The following EPB41L5 variants were observed in gnomAD, a reference collection of about 807,000 sequenced individuals.
EPB41L5 encodes the protein band 4.1-like protein 5.
Under a neutral mutation model 106.6 loss-of-function variants are expected in EPB41L5, and 55 were observed. The observed-to-expected ratio is 0.52, with a 90% CI of 0.42 to 0.65. EPB41L5 has a LOEUF of 0.65. Among genes scored for constraint, EPB41L5 ranks in the 30% least tolerant of loss-of-function variants. The pLI is 0.00. For missense variants in EPB41L5, 871 were observed against 882.1 expected (o/e 0.99, Z 0.16); for synonymous variants, 297 against 306.7 (o/e 0.97, Z 0.33).
intron 1 of EPB41L5, among the ~76,000 whole-genome samples, chr2:120,015,925 A>C (rs1194693790): frequency 4.0e-5 from 6 of 151,792 alleles, no homozygotes; most frequent in African/African-American, 1.2e-4. Flanking sequence ...AAAAAAAAAA[A>C]ACATAAAAAT....
At chr2:120,121,090 C>T (rs900281023) in intron 16 of EPB41L5, among the ~76,000 whole-genome samples, 1 of 152,224 alleles carries the variant, frequency 6.6e-6, no homozygotes, top group African/African-American at 2.4e-5. Flanking sequence ...GCACTCCAGC[C>T]TGGGCAATAA....
At chr2:120,132,880 G>C (rs1713072) in intron 18 of EPB41L5, among the ~76,000 whole-genome samples, 2 of 151,906 alleles carry the variant, frequency 1.3e-5, no homozygotes, top group African/African-American at 2.4e-5. Flanking sequence ...AGGGAGGAGT[G>C]GGGGGCGGGG....
intron 2 of EPB41L5, among the ~76,000 whole-genome samples, chr2:120,027,121 C>T (rs541314483): frequency 5.3e-5 from 8 of 152,146 alleles, no homozygotes; most frequent in Non-Finnish European, 8.8e-5. Flanking sequence ...TGTAAAATGG[C>T]GCAGCTGCTT....
intron 18 of EPB41L5, among the ~76,000 whole-genome samples, chr2:120,139,107 G>T (rs2105485828): frequency 6.6e-6 from 1 of 152,128 alleles, no homozygotes; most frequent in South Asian, 2.1e-4. Flanking sequence ...AATAAATGGT[G>T]CTAGGAAAAC....
At chr2:120,113,231 T>C (rs1455270802) in intron 16 of EPB41L5, among the ~76,000 whole-genome samples, 2 of 152,238 alleles carry the variant, frequency 1.3e-5, no homozygotes, top group Admixed American at 6.5e-5. Flanking sequence ...AACCAAATCA[T>C]GTATATATTA....
chr2:120,149,333 T>A (rs1348739453), intron 20 of EPB41L5, among the ~76,000 whole-genome samples: 2 of 152,158 alleles, frequency 1.3e-5, no homozygotes, highest in Non-Finnish European at 2.9e-5. Flanking sequence ...TTCAGAATAT[T>A]TTCGTCACCT....
At chr2:120,132,426 G>A (rs1685740680) in intron 18 of EPB41L5, among the ~76,000 whole-genome samples, 1 of 152,086 alleles carries the variant, frequency 6.6e-6, no homozygotes, top group African/African-American at 2.4e-5. Context: ...GTTTTAAAGA[G>A]GAAAGGAGAA....
intron 14 of EPB41L5, among the ~76,000 whole-genome samples, chr2:120,098,156 T>TTTTGTGTGTGTGTGTGTG (rs1553506368): frequency 4.5e-5 from 6 of 133,670 alleles, no homozygotes; most frequent in Non-Finnish European, 6.2e-5. Context: ...ATTGTTTGTT[T>TTTTGTGTGTGTGTGTGTG]TGTGTGTGTG....
At chr2:120,128,451 G>A (rs1685556210) in intron 17 of EPB41L5, among the ~76,000 whole-genome samples, 1 of 152,068 alleles carries the variant, frequency 6.6e-6, no homozygotes, top group Admixed American at 6.6e-5. Flanking sequence ...TATTTATTTG[G>A]CTCTTGACCA....
intron 16 of EPB41L5, among the ~76,000 whole-genome samples, chr2:120,125,040 T>C (rs964668886): frequency 2.0e-5 from 3 of 152,256 alleles, no homozygotes; most frequent in Non-Finnish European, 4.4e-5. Flanking sequence ...CATTCATTGA[T>C]AATTTTTGCC....
intron 16 of EPB41L5, chr2:120,106,268 A>G: frequency 1.4e-5 from 14 of 985,384 alleles, no homozygotes; most frequent in Non-Finnish European, 1.7e-5. Context: ...GAGGAAAGTA[A>G]AGGGCTAAGG....
chr2:120,086,038 A>G (rs1268490394), intron 10 of EPB41L5, among the ~76,000 whole-genome samples: 1 of 152,086 alleles, frequency 6.6e-6, no homozygotes, highest in Non-Finnish European at 1.5e-5. Context: ...TCTACTAAAA[A>G]TACTAAGATT....
intron 20 of EPB41L5, among the ~76,000 whole-genome samples, chr2:120,149,092 G>C (rs887746483): frequency 6.6e-6 from 1 of 152,072 alleles, no homozygotes; most frequent in Non-Finnish European, 1.5e-5. Flanking sequence ...ATTGTGGTTT[G>C]ATTTGCATTT....
At chr2:120,124,591 A>G (rs1017551405) in intron 16 of EPB41L5, among the ~76,000 whole-genome samples, 9 of 152,120 alleles carry the variant, frequency 5.9e-5, no homozygotes, top group Non-Finnish European at 1.5e-5. Context: ...AGGTTTTTTT[A>G]TGTTATACTC....
intron 3 of EPB41L5, among the ~76,000 whole-genome samples, chr2:120,047,628 C>G (rs985983173): frequency 6.6e-6 from 1 of 152,120 alleles, no homozygotes; most frequent in African/African-American, 2.4e-5. Flanking sequence ...TTGACTTCCT[C>G]TTTTCCTAAT....
intron 16 of EPB41L5, among the ~76,000 whole-genome samples, chr2:120,115,958 C>T (rs1313514153): frequency 2.6e-5 from 4 of 151,980 alleles, no homozygotes; most frequent in Non-Finnish European, 5.9e-5. Context: ...TATAGGAATG[C>T]ACCACCACAC....
chr2:120,129,852 A>G (rs1210921053), intron 17 of EPB41L5, among the ~76,000 whole-genome samples: 2 of 152,216 alleles, frequency 1.3e-5, no homozygotes, highest in African/African-American at 4.8e-5. Flanking sequence ...TGTATAATAG[A>G]AATAGGTTCC....
At chr2:120,040,600 A>G (rs1284575426) in intron 2 of EPB41L5, among the ~76,000 whole-genome samples, 1 of 152,222 alleles carries the variant, frequency 6.6e-6, no homozygotes, top group African/African-American at 2.4e-5. Flanking sequence ...AATCTAGCAG[A>G]TGCTGCAGGA....
At chr2:120,110,260 C>T (rs780215541) in intron 16 of EPB41L5, among the ~76,000 whole-genome samples, 15 of 152,154 alleles carry the variant, frequency 9.9e-5, no homozygotes, top group Non-Finnish European at 1.9e-4. Context: ...GTCTTCTAAC[C>T]TCCCTTCTAA....
Sources: gnomAD v4.1 joint callset for allele counts (sites outside exome capture counted in the v4.1 genomes callset) on GRCh38, gnomAD v4.1.1 for gene constraint, MANE v1.5 for transcripts, NCBI Gene and HGNC (gene_info 2026-07-23, HGNC 2026-07-21) for gene names.